TIMD4: variants seen among roughly 807,000 people sequenced by gnomAD.
The protein encoded by TIMD4 is T cell immunoglobulin and mucin domain containing 4.
Under a neutral mutation model 41.2 loss-of-function variants are expected in TIMD4, and 31 were observed. The ratio of observed to expected loss-of-function variants is 0.75; its 90% CI spans 0.57 to 1.01. The LOEUF (loss-of-function observed/expected upper bound fraction) is 1.01, where lower values mean the gene tolerates loss of function less well. TIMD4 is among the 50% of genes least tolerant of loss of function. The pLI is 0.00. For missense variants in TIMD4, 479 were observed against 472.5 expected, an observed-to-expected ratio of 1.01 and a Z score of -0.13; for synonymous variants, 204 against 177.1, an observed-to-expected ratio of 1.15 and a Z score of -1.21.
intron 6 of TIMD4, among the ~76,000 whole-genome samples, chr5:156,923,471 A>T (rs1759289381): frequency 6.6e-6 from 1 of 151,954 alleles, no homozygotes; most frequent in Admixed American, 6.6e-5. Context: ...TTAATTGTAA[A>T]AATGTCTCAG....
intron 3 of TIMD4, 80 bp downstream of exon 3, chr5:156,951,432 A>C: frequency 6.5e-7 from 1 of 1,548,182 alleles, no homozygotes; most frequent in Non-Finnish European, 8.8e-7. Flanking sequence ...TCACACACAC[A>C]CTGAGAGAGA....
chr5:156,940,266 C>T (rs895163091), intron 5 of TIMD4, among the ~76,000 whole-genome samples: 3 of 152,244 alleles, frequency 2.0e-5, no homozygotes, highest in African/African-American at 7.2e-5. Context: ...TGCTCAATGT[C>T]GCCCAGGCTG....
chr5:156,952,834 T>C (rs904410788), intron 2 of TIMD4, among the ~76,000 whole-genome samples: 3 of 152,246 alleles, frequency 2.0e-5, no homozygotes, highest in Admixed American at 6.5e-5. Context: ...TATCACAGTG[T>C]CTTGCATATA....
At chr5:156,940,524 T>G (rs1402622279) in intron 5 of TIMD4, among the ~76,000 whole-genome samples, 3 of 135,406 alleles carry the variant, frequency 2.2e-5, no homozygotes, top group Non-Finnish European at 4.8e-5. Flanking sequence ...CATCTCTGCC[T>G]GGCCGCCCAT....
chr5:156,957,709 T>C (rs1164057157), intron 1 of TIMD4, among the ~76,000 whole-genome samples: 1 of 151,952 alleles, frequency 6.6e-6, no homozygotes, highest in Admixed American at 6.6e-5. Flanking sequence ...ATGCCTACAG[T>C]CCCAGCTACT....
chr5:156,929,087 C>T (rs139709455), intron 5 of TIMD4, among the ~76,000 whole-genome samples: 24 of 152,294 alleles, frequency 1.6e-4, no homozygotes, highest in Non-Finnish European at 2.9e-4. Context: ...AAATGGGAAG[C>T]ACTCCAAGGG....
intron 5 of TIMD4, among the ~76,000 whole-genome samples, chr5:156,940,889 G>C (rs969770227): frequency 1.4e-4 from 22 of 152,374 alleles, no homozygotes; most frequent in Non-Finnish European, 2.9e-4. Context: ...GGAAATGTGG[G>C]GAAAAGAAAG....
rs554211831 is a variant in TIMD4, at chr5:156,921,054, C to T, written c.1013-551G>A. Among the ~76,000 whole-genome samples the T allele has an allele frequency of 5.7e-5, 8 of 141,226 alleles. No individual in the cohort carries two copies. In the East Asian group the frequency reaches 8.7e-4, roughly 15 times the overall value. 92.6% of individuals were successfully genotyped at this position (141,226 alleles called of 152,430 possible). On this transcript the variant is annotated intron_variant, in intron 7 of 8. Transcript: ENST00000274532. Reference sequence around the variant, plus strand: ...CATTTTACAACAGTACCAGGTGCCACGTGCCTATAATTTGCCTGAAAACCA... The same window carrying T: ...CATTTTACAACAGTACCAGGTGCCATGTGCCTATAATTTGCCTGAAAACCA...
chr5:156,954,584 G>A lies in TIMD4; in HGVS notation c.231C>T (p.Thr77=), dbSNP rs1007644351. ...ALIRTDGMRV[T]SRKSAKYRLQ... ...GTCTATATTTTGCTGACTTTCTTGA[G>A]GTCACCCTCATTCCATCAGTGCGGA... is the stretch of plus-strand genomic sequence containing the variant. The change falls in exon 2 of 9, where the codon ACC becomes ACT. Residue 77 remains threonine (T), a synonymous_variant. Transcript: ENST00000274532. 1 of 1,614,116 alleles carries A rather than the reference G, an allele frequency of 6.2e-7. No homozygotes were observed. Among genetic ancestry groups the A allele is most frequent in the Non-Finnish European group, 8.5e-7 (1 of 1,180,052 alleles).
intron 3 of TIMD4, 37 bp from the exon 4 acceptor site, chr5:156,949,768 A>C (rs1272195375): frequency 7.4e-7 from 1 of 1,352,424 alleles, no homozygotes; most frequent in Non-Finnish European, 1.1e-6. Flanking sequence ...GGCAGCTGAA[A>C]AGTAGTTATT....
intron 5 of TIMD4, among the ~76,000 whole-genome samples, chr5:156,936,366 C>T (rs1315966842): frequency 6.6e-6 from 1 of 152,172 alleles, no homozygotes; most frequent in African/African-American, 2.4e-5. Context: ...ATACTGAGCA[C>T]TTACTGCATG....
At chr5:156,930,558 T>C (rs573801892) in intron 5 of TIMD4, among the ~76,000 whole-genome samples, 2 of 152,322 alleles carry the variant, frequency 1.3e-5, no homozygotes, top group South Asian at 2.1e-4. Flanking sequence ...TTTAGGACAG[T>C]GGTCTCTAAA....
intron 6 of TIMD4, among the ~76,000 whole-genome samples, chr5:156,924,876 G>T (rs1759317110): frequency 6.6e-6 from 1 of 152,040 alleles, no homozygotes; most frequent in Non-Finnish European, 1.5e-5. Flanking sequence ...TGTTATCTTG[G>T]GTGATGCCAT....
chr5:156,921,978 A>G (rs1291730107), intron 7 of TIMD4, 121 bp downstream of exon 7: 2 of 696,960 alleles, frequency 2.9e-6, no homozygotes, highest in African/African-American at 3.6e-5. Context: ...TGGGATGGGA[A>G]CAATGGCAGA....
At chr5:156,952,753 T>G (rs1759886245) in intron 2 of TIMD4, among the ~76,000 whole-genome samples, 1 of 152,234 alleles carries the variant, frequency 6.6e-6, no homozygotes, top group African/African-American at 2.4e-5. Context: ...AGCCTGTTTA[T>G]CCCGTTAAAC....
Position 156,962,856 on chromosome 5 carries a change from C to T in TIMD4, c.58+285G>A, listed in dbSNP as rs149547122. Among the ~76,000 whole-genome samples, 45 of 152,258 alleles carry T rather than the reference C, an allele frequency of 3.0e-4. 1 individual carries two copies. The highest frequency in any genetic ancestry group is 2.8e-3 in the Admixed American group (43 of 15,292). On this transcript the variant is annotated intron_variant, in intron 1 of 8. Transcript: ENST00000274532. Reference sequence around the variant, plus strand: ...CACCCATAGAGGAAATCTCTTTTCCCCAATTTATCTGACCACTTATTTCTG... The same window carrying T: ...CACCCATAGAGGAAATCTCTTTTCCTCAATTTATCTGACCACTTATTTCTG...
At chr5:156,923,735 A>T (rs1422634642) in intron 6 of TIMD4, among the ~76,000 whole-genome samples, 1 of 151,096 alleles carries the variant, frequency 6.6e-6, no homozygotes, top group African/African-American at 2.4e-5. Context: ...GTGTAGAGAC[A>T]GAGTCTCACT....
At chr5:156,947,010 C>T (rs1183291601) in intron 5 of TIMD4, among the ~76,000 whole-genome samples, 1 of 151,898 alleles carries the variant, frequency 6.6e-6, no homozygotes, top group Admixed American at 6.6e-5. Flanking sequence ...CCAACCAGGG[C>T]AACGTGGTGA....
intron 5 of TIMD4, among the ~76,000 whole-genome samples, chr5:156,928,737 A>C (rs1360780935): frequency 6.6e-6 from 1 of 152,194 alleles, no homozygotes; most frequent in African/African-American, 2.4e-5. Flanking sequence ...CTAGGAACAA[A>C]GGGGAAATTC....
Sources: allele counts gnomAD v4.1 joint callset (sites outside exome capture counted in the v4.1 genomes callset), GRCh38; gene constraint gnomAD v4.1.1; transcripts MANE v1.5; gene names NCBI Gene and HGNC (gene_info 2026-07-23, HGNC 2026-07-21).